SIPA1L1: variants seen among roughly 807,000 people sequenced by gnomAD.
SIPA1L1 encodes signal-induced proliferation-associated 1-like protein 1.
In SIPA1L1, 26 loss-of-function variants were observed where a neutral mutation model predicts 162.7. The observed-to-expected ratio is 0.16, with a 90% CI of 0.12 to 0.22. The LOEUF (loss-of-function observed/expected upper bound fraction) is 0.22. Ranked by LOEUF, SIPA1L1 falls within the 10% of genes least tolerant of loss-of-function variation. The pLI is 1.00. For missense variants in SIPA1L1, 1,874 were observed against 2,241.0 expected, an observed-to-expected ratio of 0.84 and a Z score of 3.31; for synonymous variants, 829 against 837.4, an observed-to-expected ratio of 0.99 and a Z score of 0.17.
chr14:71,730,875 A>T (rs907831092), intron 20 of SIPA1L1, among the ~76,000 whole-genome samples: 1 of 152,200 alleles, frequency 6.6e-6, no homozygotes, highest in African/African-American at 2.4e-5. Context: ...TTTGTGACCC[A>T]ACTAGATCCC....
intron 3 of SIPA1L1, among the ~76,000 whole-genome samples, chr14:71,523,211 A>G (rs1287856994): frequency 3.3e-5 from 5 of 151,356 alleles, no homozygotes; most frequent in African/African-American, 1.2e-4. Flanking sequence ...CAAACTTCTC[A>G]TTTACACATA....
intron 2 of SIPA1L1, among the ~76,000 whole-genome samples, chr14:71,382,989 T>C (rs1219246704): frequency 2.0e-5 from 3 of 152,196 alleles, no homozygotes; most frequent in South Asian, 2.1e-4. Flanking sequence ...GAAGGCTTCA[T>C]GTGGGAGGTA....
intron 2 of SIPA1L1, among the ~76,000 whole-genome samples, chr14:71,481,636 G>A (rs2048359884): frequency 6.6e-6 from 1 of 152,150 alleles, no homozygotes; most frequent in South Asian, 2.1e-4. Context: ...AACAAATATA[G>A]TTCAGTGGAT....
rs71105772 is a variant in SIPA1L1 at position 71,356,567 on chromosome 14, C to CAAAAAAAAA, written c.-465+35398_-465+35406dup. Among the ~76,000 whole-genome samples, 174 of 39,152 alleles carry CAAAAAAAAA rather than the reference C, an allele frequency of 4.4e-3. 51 individuals are homozygous for CAAAAAAAAA. Among genetic ancestry groups the CAAAAAAAAA allele is most frequent in the South Asian group, 5.1e-3 (4 of 786 alleles). 25.7% of individuals were successfully genotyped at this position (39,152 alleles called of 152,430 possible). A position where few individuals can be genotyped will look rare whatever the true frequency, so the allele number is the denominator to read the frequency against. On this transcript the variant is annotated intron_variant, in intron 2 of 23. Transcript: ENST00000381232. ...GCAACATAGCAAGACCTTGTCTCTACAAAAAAAAAAAAAAAAAAAAGCACA... is the reference window on the plus strand; with the variant it reads ...GCAACATAGCAAGACCTTGTCTCTACAAAAAAAAAAAAAAAAAAAAAAAAAAAAAGCACA...
intron 15 of SIPA1L1, among the ~76,000 whole-genome samples, chr14:71,703,157 T>G (rs1179591282): frequency 6.6e-6 from 1 of 152,218 alleles, no homozygotes; most frequent in Non-Finnish European, 1.5e-5. Context: ...AACAAGATTT[T>G]CAACACAGGA....
chr14:71,554,083 G>GC (rs2056126042), intron 4 of SIPA1L1, among the ~76,000 whole-genome samples: 1 of 152,140 alleles, frequency 6.6e-6, no homozygotes, highest in Non-Finnish European at 1.5e-5. Context: ...ACGACCTGTA[G>GC]CATCTTCTGT....
At chr14:71,472,722 A>G (rs896182362) in intron 2 of SIPA1L1, among the ~76,000 whole-genome samples, 1 of 150,448 alleles carries the variant, frequency 6.6e-6, no homozygotes, top group Admixed American at 6.7e-5. Context: ...CAAGTTTCCT[A>G]TTATCTTGGT....
intron 17 of SIPA1L1, among the ~76,000 whole-genome samples, chr14:71,713,548 G>T (rs1038464271): frequency 6.6e-6 from 1 of 152,216 alleles, no homozygotes; most frequent in Non-Finnish European, 1.5e-5. Flanking sequence ...ACTGGTTAAA[G>T]ACCAAGAAAA....
intron 2 of SIPA1L1, among the ~76,000 whole-genome samples, chr14:71,395,214 A>G (rs1221317469): frequency 6.6e-6 from 1 of 152,184 alleles, no homozygotes; most frequent in Admixed American, 6.5e-5. Context: ...GGCAAGTGTG[A>G]AATTGTCAGC....
chr14:71,520,987 C>T (rs1196003393), intron 3 of SIPA1L1, among the ~76,000 whole-genome samples: 2 of 152,286 alleles, frequency 1.3e-5, no homozygotes, highest in East Asian at 3.9e-4. Context: ...CTCCTGGACT[C>T]ATGCAGTCTG....
intron 4 of SIPA1L1, among the ~76,000 whole-genome samples, chr14:71,544,238 GTATA>G (rs1237427838): frequency 1.1e-4 from 16 of 143,190 alleles, no homozygotes; most frequent in Admixed American, 2.1e-4. Flanking sequence ...TATCATGTAT[GTATA>G]CACATATGTA....
intron 2 of SIPA1L1, among the ~76,000 whole-genome samples, chr14:71,436,070 G>C (rs912844557): frequency 6.6e-6 from 1 of 152,078 alleles, no homozygotes; most frequent in African/African-American, 2.4e-5. Flanking sequence ...ATTTTTCTGT[G>C]CATTTCTCTT....
At chr14:71,387,715 C>T (rs752276661) in intron 2 of SIPA1L1, among the ~76,000 whole-genome samples, 39 of 152,162 alleles carry the variant, frequency 2.6e-4, no homozygotes, top group Admixed American at 1.3e-4. Flanking sequence ...GAATGTGTTA[C>T]GATTTCTGTT....
chr14:71,386,092 C>T (rs1657011586), intron 2 of SIPA1L1, among the ~76,000 whole-genome samples: 1 of 152,148 alleles, frequency 6.6e-6, no homozygotes, highest in Admixed American at 6.5e-5. Context: ...GTGACTACTG[C>T]CTGTCATATT....
rs2042514290 is a variant in SIPA1L1 at position 71,650,283 on chromosome 14, GA to G, written c.1819-51del. On this transcript the variant is annotated intron_variant, in intron 7 of 23. Coordinates refer to ENST00000381232, the MANE Select transcript of SIPA1L1 (RefSeq NM_001386936.1). ...ATAGGACCTTTTAGCATTTGACTGG[GA>G]CAAAGTGGATCTGCCTATATTTATA... 5.6e-6 allele frequency: 9 copies of G among 1,593,518 alleles called. No homozygotes were observed. In the East Asian group the frequency reaches 2.0e-4, roughly 36 times the overall value.
chr14:71,560,202 C>T (rs555542100), intron 4 of SIPA1L1, among the ~76,000 whole-genome samples: 1 of 152,302 alleles, frequency 6.6e-6, no homozygotes, highest in South Asian at 2.1e-4. Flanking sequence ...TTCAGATTTA[C>T]TTGTGTCAGG....
At chr14:71,659,603 G>C (rs1439756315) in intron 9 of SIPA1L1, among the ~76,000 whole-genome samples, 2 of 152,126 alleles carry the variant, frequency 1.3e-5, no homozygotes, top group Non-Finnish European at 2.9e-5. Context: ...CCAGTCAGTA[G>C]ATAAAAAATT....
intron 2 of SIPA1L1, among the ~76,000 whole-genome samples, chr14:71,502,217 T>C (rs1168624514): frequency 7.2e-6 from 1 of 139,120 alleles, no homozygotes; most frequent in Non-Finnish European, 1.5e-5. Context: ...TTGGTTTTAC[T>C]ATCATGAGAG....
At chr14:71,481,786 G>A (rs150006234) in intron 2 of SIPA1L1, among the ~76,000 whole-genome samples, 11 of 152,278 alleles carry the variant, frequency 7.2e-5, no homozygotes, top group African/African-American at 2.4e-4. Context: ...CACCCCCGGA[G>A]GCCATGTTAA....
Sources: allele counts gnomAD v4.1 joint callset (sites outside exome capture counted in the v4.1 genomes callset), GRCh38; gene constraint gnomAD v4.1.1; transcripts MANE v1.5; gene names NCBI Gene and HGNC (gene_info 2026-07-23, HGNC 2026-07-21).